The following TMEM200A variants were observed in gnomAD, a reference collection of about 807,000 sequenced individuals.
The protein encoded by TMEM200A is transmembrane protein 200A, also known as two transmembrane C.
TMEM200A carries 12 observed loss-of-function variants against 24.3 expected under a neutral mutation model. The ratio of observed to expected loss-of-function variants is 0.49; its 90% CI spans 0.32 to 0.80. The LOEUF is 0.80. Among genes scored for constraint, TMEM200A ranks in the 30% least tolerant of loss-of-function variants. TMEM200A has a pLI of 0.04. For missense variants in TMEM200A, 545 were observed against 614.4 expected (o/e 0.89, Z 1.19); for synonymous variants, 224 against 224.4 (o/e 1.00, Z 0.02).
rs1046941704 is a variant in TMEM200A at position 130,406,170 on chromosome 6, G to A, written c.-17+20934G>A. On this transcript the variant is annotated intron_variant, in intron 2 of 2. Transcript: ENST00000296978. ...CTCCTTTCCGTTTACATATATAGCC[G>A]AGTTTTTTTCTGTCTAATTTCTATT... 3.9e-5 allele frequency among the ~76,000 whole-genome samples: 6 copies of A among 151,960 alleles called. No homozygotes were observed. The South Asian group carries it at 6.2e-4, about 16-fold the overall frequency.
intron 2 of TMEM200A, among the ~76,000 whole-genome samples, chr6:130,407,089 C>T (rs1779224134): frequency 6.6e-6 from 1 of 152,088 alleles, no homozygotes; most frequent in Non-Finnish European, 1.5e-5. Flanking sequence ...GCCTCCATTA[C>T]ATAATGTGAA....
At chr6:130,385,590 G>A (rs1180074422) in intron 2 of TMEM200A, among the ~76,000 whole-genome samples, 4 of 152,028 alleles carry the variant, frequency 2.6e-5, no homozygotes, top group African/African-American at 4.8e-5. Context: ...AAATCCCCAA[G>A]AGAAAAGGCC....
intron 2 of TMEM200A, among the ~76,000 whole-genome samples, chr6:130,398,271 G>A (rs1779000011): frequency 1.3e-5 from 2 of 151,878 alleles, no homozygotes; most frequent in Admixed American, 1.3e-4. Context: ...GCCTCCAGCT[G>A]CATCCATGTT....
At position 130,393,539 on chromosome 6, in the gene TMEM200A, G is replaced by C. The variant is rs139097609; in HGVS notation, c.-17+8303G>C. Reference sequence around the variant, plus strand: ...TCAACACGGCTTCACATGCGAGCCTGAGCAAAGATCATGTTCATGGGGTCC... The same window carrying C: ...TCAACACGGCTTCACATGCGAGCCTCAGCAAAGATCATGTTCATGGGGTCC... On this transcript the variant is annotated intron_variant, in intron 2 of 2. Coordinates refer to ENST00000296978, the MANE Select transcript of TMEM200A (RefSeq NM_001258277.2). 6.6e-5 allele frequency among the ~76,000 whole-genome samples: 10 copies of C among 152,332 alleles called. No individual in the cohort carries two copies. In the East Asian group the frequency reaches 1.9e-3, roughly 29 times the overall value.
At chr6:130,435,521 A>G (rs1779982273) in intron 2 of TMEM200A, among the ~76,000 whole-genome samples, 1 of 152,210 alleles carries the variant, frequency 6.6e-6, no homozygotes, top group South Asian at 2.1e-4. Flanking sequence ...ATCTAAACAA[A>G]TTAACAATGT....
Position 130,379,503 on chromosome 6 carries a change from C to A in TMEM200A, c.-80-5670C>A, listed in dbSNP as rs576616652. Among the ~76,000 whole-genome samples the A allele has an allele frequency of 3.9e-5, 6 of 152,236 alleles. No individual in the cohort carries two copies. In the South Asian group the frequency reaches 8.3e-4, roughly 21 times the overall value. ...TAATGAAGGGAGAAATGTGCACATG[C>A]GTGATTGAGCTTCATGCCTCTCCAT... On this transcript the variant is annotated intron_variant, in intron 1 of 2. Coordinates refer to ENST00000296978, the MANE Select transcript of TMEM200A (RefSeq NM_001258277.2).
chr6:130,365,952 C>T (rs1778128264), upstream of TMEM200A: 3 of 974,500 alleles, frequency 3.1e-6, no homozygotes, highest in African/African-American at 2.0e-5. Context: ...TGGAAGTCCG[C>T]CCCGGCCCCC....
rs774849536 is a variant in TMEM200A at position 130,441,487 on chromosome 6, G to A, written c.1065G>A (p.Leu355=). The A allele has an allele frequency of 3.7e-6, 6 of 1,614,054 alleles. No individual in the cohort carries two copies. The highest frequency in any genetic ancestry group is 5.1e-6 in the Non-Finnish European group (6 of 1,179,990). ...LPRNNSIGES[L]SSQYKSSMAL... is the part of the protein sequence containing the mutation. ...GGAATAATTCCATTGGGGAGTCGTT[G>A]TCGAGTCAGTACAAGTCATCTATGG... The change falls in exon 3 of 3, where the codon TTG becomes TTA. Residue 355 remains leucine (L), a synonymous_variant. Coordinates refer to ENST00000296978, the MANE Select transcript of TMEM200A (RefSeq NM_001258277.2).
At chr6:130,372,524 C>A (rs1219439312) in intron 1 of TMEM200A, among the ~76,000 whole-genome samples, 3 of 152,154 alleles carry the variant, frequency 2.0e-5, no homozygotes, top group Non-Finnish European at 4.4e-5. Context: ...TACAGATACT[C>A]TGCCCTGAAA....
At chr6:130,424,199 T>G (rs550067247) in intron 2 of TMEM200A, among the ~76,000 whole-genome samples, 117 of 152,256 alleles carry the variant, frequency 7.7e-4, no homozygotes, top group African/African-American at 2.6e-3. Flanking sequence ...AAGGGGAAAT[T>G]GTGTGTTCTT....
At chr6:130,406,643 A>G (rs189221242) in intron 2 of TMEM200A, among the ~76,000 whole-genome samples, 41 of 152,282 alleles carry the variant, frequency 2.7e-4, no homozygotes, top group Middle Eastern at 6.8e-3. Context: ...AATGTCCTGA[A>G]TTGCAAATGA....
intron 2 of TMEM200A, among the ~76,000 whole-genome samples, chr6:130,426,595 C>A (rs1050908708): frequency 2.0e-5 from 3 of 151,784 alleles, no homozygotes; most frequent in African/African-American, 7.3e-5. Context: ...ATCTGTGAAT[C>A]AAAGTTGTAA....
intron 2 of TMEM200A, among the ~76,000 whole-genome samples, chr6:130,417,757 T>C (rs897378651): frequency 1.3e-5 from 2 of 152,186 alleles, no homozygotes; most frequent in African/African-American, 2.4e-5. Flanking sequence ...TGATCATATG[T>C]AGATGAACTT....
At chr6:130,436,508 T>A (rs1442869074) in intron 2 of TMEM200A, among the ~76,000 whole-genome samples, 2 of 151,402 alleles carry the variant, frequency 1.3e-5, no homozygotes, top group African/African-American at 4.8e-5. Context: ...AAAGGTAGAT[T>A]TAGGCTGTTT....
chr6:130,379,155 C>T (rs1778537347), intron 1 of TMEM200A, among the ~76,000 whole-genome samples: 1 of 152,192 alleles, frequency 6.6e-6, no homozygotes, highest in Admixed American at 6.5e-5. Flanking sequence ...GTTTTTAACA[C>T]ATGAAGTTTG....
chr6:130,417,830 A>T (rs1273194874), intron 2 of TMEM200A, among the ~76,000 whole-genome samples: 2 of 152,130 alleles, frequency 1.3e-5, no homozygotes, highest in Non-Finnish European at 2.9e-5. Flanking sequence ...CCTGGTTGAT[A>T]TTCATAATCA....
chr6:130,372,966 G>A (rs910182308), intron 1 of TMEM200A, among the ~76,000 whole-genome samples: 2 of 152,178 alleles, frequency 1.3e-5, no homozygotes, highest in East Asian at 3.9e-4. Flanking sequence ...AATATTAGAG[G>A]CCTGTGACAC....
At chr6:130,412,982 T>A (rs190576108) in intron 2 of TMEM200A, among the ~76,000 whole-genome samples, 3 of 152,348 alleles carry the variant, frequency 2.0e-5, no homozygotes, top group Non-Finnish European at 4.4e-5. Context: ...TTATAACATA[T>A]CTTCTGTAAA....
upstream of TMEM200A, chr6:130,365,701 C>T (rs1323980754): frequency 2.0e-6 from 2 of 985,352 alleles, no homozygotes; most frequent in African/African-American, 3.5e-5. Context: ...CCTTCCAGCC[C>T]GGGAAGAGCG....
Sources: gnomAD v4.1 joint callset for allele counts (sites outside exome capture counted in the v4.1 genomes callset) on GRCh38, gnomAD v4.1.1 for gene constraint, MANE v1.5 for transcripts, NCBI Gene and HGNC (gene_info 2026-07-23, HGNC 2026-07-21) for gene names.